The following RNASET2 variants were observed in gnomAD, a reference collection of about 807,000 sequenced individuals.
The protein encoded by RNASET2 is ribonuclease T2.
In RNASET2, 28 loss-of-function variants were observed where a neutral mutation model predicts 33.9. The ratio of observed to expected loss-of-function variants is 0.83; its 90% CI spans 0.61 to 1.13. RNASET2 has a LOEUF of 1.13. RNASET2 is among the 50% of genes most tolerant of loss of function. The probability of loss-of-function intolerance (pLI) is 0.00; values close to 1 mark genes in which losing one functional copy is unlikely to be tolerated. For synonymous variants in RNASET2, 123 were observed against 121.0 expected, an observed-to-expected ratio of 1.02 and a Z score of -0.11; for missense variants, 330 against 319.9, an observed-to-expected ratio of 1.03 and a Z score of -0.24.
At chr6:166,938,217 G>T (rs547705509) in intron 6 of RNASET2, among the ~76,000 whole-genome samples, 1 of 152,254 alleles carries the variant, frequency 6.6e-6, no homozygotes, top group African/African-American at 2.4e-5. Flanking sequence ...TATGATGAAG[G>T]TCAGTGAGAG....
chr6:166,950,402 T>C (rs1246861879), intron 2 of RNASET2, among the ~76,000 whole-genome samples: 1 of 152,166 alleles, frequency 6.6e-6, no homozygotes, highest in Non-Finnish European at 1.5e-5. Context: ...CGGGGCAATC[T>C]CGTGTACAGA....
At chr6:166,943,946 C>T in intron 4 of RNASET2, 1 of 262,532 alleles carries the variant, frequency 3.8e-6, no homozygotes, top group South Asian at 3.5e-5. Flanking sequence ...CTGGTGAAAC[C>T]CTGTCTCTAC....
chr6:166,952,698 G>T, intron 1 of RNASET2, 150 bp from the exon 2 acceptor site: 1 of 692,814 alleles, frequency 1.4e-6, no homozygotes, highest in South Asian at 1.6e-5. Flanking sequence ...ACACACTCCC[G>T]TGAGGAAGGC....
rs201087711 is a variant in RNASET2, at chr6:166,934,063, C to G, written c.492+28G>C. 9 of 1,587,826 alleles carry G rather than the reference C, an allele frequency of 5.7e-6. No individual in the cohort carries two copies. The South Asian group carries it at 8.8e-5, about 16-fold the overall frequency. On this transcript the variant is annotated intron_variant, in intron 7 of 8. Transcript: ENST00000508775. ...ACTGGAGGTCCCCGGGAGAGACACA[C>G]GAGAAAAGAAGCAAAAGCAAGACTT...
intron 1 of RNASET2, among the ~76,000 whole-genome samples, chr6:166,955,289 CGCACAG>C (rs142189821): frequency 0.025 from 1,685 of 68,692 alleles, 101 homozygotes; most frequent in African/African-American, 0.12. Context: ...ACGACACACA[CGCACAG>C]ACGCGCACAC....
At chr6:166,946,853 T>G in intron 3 of RNASET2, 114 bp from the exon 4 acceptor site, 1 of 732,350 alleles carries the variant, frequency 1.4e-6, no homozygotes, top group East Asian at 2.7e-5. Context: ...AAAAGAGAAA[T>G]TCTAATTGGG....
rs1320968562 is a variant in RNASET2 at position 166,922,720 on chromosome 6, T to A, written c.*6868A>T. ...GCCACTGCTGACTATCTTTTCTCAA[T>A]TCAGGTTAAATATTTTCAAAACACC... On this transcript the variant is annotated 3_prime_UTR_variant, in exon 9 of 9. Transcript: ENST00000508775. 3.3e-5 allele frequency among the ~76,000 whole-genome samples: 5 copies of A among 152,210 alleles called. No homozygotes were observed. Among genetic ancestry groups the A allele is most frequent in the Admixed American group, 6.5e-5 (1 of 15,286 alleles).
intron 2 of RNASET2, among the ~76,000 whole-genome samples, chr6:166,950,569 C>A (rs932383678): frequency 6.6e-6 from 1 of 152,236 alleles, no homozygotes; most frequent in African/African-American, 2.4e-5. Flanking sequence ...GGTGCTAGCT[C>A]AGCAACACGG....
rs1778299390 is a variant in RNASET2, at chr6:166,926,019, G to A, written c.*3569C>T. 6.6e-6 allele frequency among the ~76,000 whole-genome samples: 1 copy of A among 152,216 alleles called. No homozygotes were observed. The highest frequency in any genetic ancestry group is 6.5e-5 in the Admixed American group (1 of 15,280). On this transcript the variant is annotated 3_prime_UTR_variant, in exon 9 of 9. Coordinates refer to ENST00000508775, the MANE Select transcript of RNASET2 (RefSeq NM_003730.6). ...GGCACAAACACGGTGCCAGCGTCCAGCACTGACAGTCAGGTGGCGTGGCAG... is the reference window on the plus strand; with the variant it reads ...GGCACAAACACGGTGCCAGCGTCCAACACTGACAGTCAGGTGGCGTGGCAG...
chr6:166,948,565 C>G lies in RNASET2; in HGVS notation c.203+5G>C, dbSNP rs1452708628. On this transcript the variant is annotated splice_donor_5th_base_variant and intron_variant, in intron 3 of 8. Coordinates refer to ENST00000508775, the MANE Select transcript of RNASET2 (RefSeq NM_003730.6). ...GCCTAAGATTTAATTGTGTGAGACA[C>G]TTGCCATAGTCCATGTATTGTCCAG... 3 of 1,586,434 alleles carry G rather than the reference C, an allele frequency of 1.9e-6. No homozygotes were observed. The highest frequency in any genetic ancestry group is 2.6e-6 in the Non-Finnish European group (3 of 1,154,968).
chr6:166,950,714 T>G (rs1015403533), intron 2 of RNASET2, among the ~76,000 whole-genome samples: 12 of 152,128 alleles, frequency 7.9e-5, no homozygotes, highest in African/African-American at 2.9e-4. Flanking sequence ...ACTGACGCAC[T>G]GAAGGGATGT....
At chr6:166,937,541 C>G (rs1464196589) in intron 6 of RNASET2, among the ~76,000 whole-genome samples, 1 of 152,144 alleles carries the variant, frequency 6.6e-6, no homozygotes, top group Non-Finnish European at 1.5e-5. Context: ...TTATTAAAAA[C>G]CTAAGATTAA....
chr6:166,941,785 C>A (rs572454539), intron 5 of RNASET2, among the ~76,000 whole-genome samples: 5 of 152,148 alleles, frequency 3.3e-5, no homozygotes, highest in Non-Finnish European at 7.3e-5. Flanking sequence ...GGGTTGTAAT[C>A]TGAATTATAA....
At chr6:166,950,081 G>A (rs1029220152) in intron 2 of RNASET2, among the ~76,000 whole-genome samples, 2 of 152,172 alleles carry the variant, frequency 1.3e-5, no homozygotes, top group African/African-American at 4.8e-5. Context: ...TTTACATTCA[G>A]TGTGCAGGGA....
At chr6:166,952,417 G>A in intron 2 of RNASET2, 71 bp downstream of exon 2, 2 of 1,364,760 alleles carry the variant, frequency 1.5e-6, no homozygotes, top group African/African-American at 1.4e-5. Flanking sequence ...GCCCTGGACG[G>A]GCACGTGCAC....
rs1165612261 is a variant in RNASET2, at chr6:166,955,263, A to G, written c.86+834T>C. ...CGCACACACACGCACACACGCACAC[A>G]CACACACGCGCACACACGACACACA... On this transcript the variant is annotated intron_variant, in intron 1 of 8. Transcript: ENST00000508775. Among the ~76,000 whole-genome samples the G allele has an allele frequency of 6.0e-4, 73 of 122,552 alleles. 2 individuals are homozygous for G. Among genetic ancestry groups the G allele is most frequent in the African/African-American group, 1.9e-3 (51 of 26,792 alleles). 80.4% of individuals were successfully genotyped at this position (122,552 alleles called of 152,430 possible).
In RNASET2 at chr6:166,923,860, T is replaced by G. The variant is rs1778268367; in HGVS notation, c.*5728A>C. Among the ~76,000 whole-genome samples, 1 of 152,218 alleles carries G rather than the reference T, an allele frequency of 6.6e-6. No homozygotes were observed. On this transcript the variant is annotated 3_prime_UTR_variant, in exon 9 of 9. Transcript: ENST00000508775. ...AGAGCTTGTGAGGAAAAGTAGTATTTTAACTTCTGAGTCTTTTCCAGCCTT... is the reference window on the plus strand; with the variant it reads ...AGAGCTTGTGAGGAAAAGTAGTATTGTAACTTCTGAGTCTTTTCCAGCCTT...
At chr6:166,934,809 T>C (rs1372301168) in intron 6 of RNASET2, 2 of 152,750 alleles carry the variant, frequency 1.3e-5, no homozygotes, top group Non-Finnish European at 2.9e-5. Flanking sequence ...GACAATTTTA[T>C]ACCCCATCAC....
Position 166,929,652 on chromosome 6 carries a change from C to A in RNASET2, c.707G>T (p.Arg236Leu). The A allele has an allele frequency of 6.2e-7, 1 of 1,614,072 alleles. No individual in the cohort carries two copies. Among genetic ancestry groups the A allele is most frequent in the East Asian group, 2.2e-5 (1 of 44,878 alleles). ...VWLANGAAES[R>L]GLRVCEDGPV... ...GCCATCTTCACAGACTCTCAGACCCCGGCTCTCGGCGGCCCCATTTGCCAG... is the reference window on the plus strand; with the variant it reads ...GCCATCTTCACAGACTCTCAGACCCAGGCTCTCGGCGGCCCCATTTGCCAG... Residue 236 changes from arginine (R) to leucine (L), a missense_variant, in exon 9 of 9, where the codon CGG becomes CTG. Arg to Leu is a moderately radical substitution (Grantham distance 102, BLOSUM62 -2). Transcript: ENST00000508775.
Sources: allele counts gnomAD v4.1 joint callset (sites outside exome capture counted in the v4.1 genomes callset), GRCh38; gene constraint gnomAD v4.1.1; transcripts MANE v1.5; gene names NCBI Gene and HGNC (gene_info 2026-07-23, HGNC 2026-07-21).